Variants in SLC12A6 observed in about 807,000 individuals in gnomAD.
SLC12A6 encodes the protein K-Cl cotransporter 3.
In SLC12A6, 66 loss-of-function variants were observed where a neutral mutation model predicts 135.3. The observed-to-expected ratio is 0.49, with a 90% CI of 0.40 to 0.60. SLC12A6 has a LOEUF of 0.60. Ranked by LOEUF, SLC12A6 falls within the 20% of genes least tolerant of loss-of-function variation. SLC12A6 has a pLI of 0.00. For missense variants in SLC12A6, 1,058 were observed against 1,452.3 expected (o/e 0.73, Z 4.41); for synonymous variants, 513 against 508.8 (o/e 1.01, Z -0.11).
At position 34,254,545 on chromosome 15, in the gene SLC12A6, T is replaced by G; in HGVS notation, c.921A>C (p.Ala307=). ...TTAGCATGGCTGCTGATTCCTTGAG[T>G]GCGTCATCACTGTGAAAGATGGCAG... ...PRAAIFHSDD[A]LKESAAMLNN... Residue 307 remains alanine, a synonymous_variant, in exon 9 of 26, where the codon GCA becomes GCC. Transcript: ENST00000354181. 1.9e-6 allele frequency: 3 copies of G among 1,610,676 alleles called. No homozygotes were observed. The highest frequency in any genetic ancestry group is 2.5e-6 in the Non-Finnish European group (3 of 1,176,846).
At chr15:34,328,235 G>A (rs347834) in intron 2 of SLC12A6, among the ~76,000 whole-genome samples, 5 of 151,912 alleles carry the variant, frequency 3.3e-5, no homozygotes, top group African/African-American at 4.8e-5. Context: ...AACTTCAGCC[G>A]TTACATTTTT....
Position 34,231,242 on chromosome 15 carries a change from AT to A in SLC12A6, c.*2638del, listed in dbSNP as rs1196035862. On this transcript the variant is annotated 3_prime_UTR_variant, in exon 26 of 26. Transcript: ENST00000354181. ...CTGGGTGTGGTGGCACATGCTTGTA[AT>A]TCCAGCTACTCGGGAGGCTGAGGCA... 3 of 152,420 alleles carry A rather than the reference AT, an allele frequency of 2.0e-5. No homozygotes were observed. Among genetic ancestry groups the A allele is most frequent in the African/African-American group, 7.2e-5 (3 of 41,418 alleles). The allele number at this position is 152,420 out of a possible 1,614,324, so 9.4% of individuals were successfully genotyped here. A position where few individuals can be genotyped will look rare whatever the true frequency, so the allele number is the denominator to read the frequency against.
intron 4 of SLC12A6, among the ~76,000 whole-genome samples, chr15:34,260,422 C>G (rs929275571): frequency 1.3e-5 from 2 of 152,118 alleles, no homozygotes; most frequent in African/African-American, 4.8e-5. Context: ...CCATGCCCGG[C>G]TAATTTTTTG....
At chr15:34,303,131 C>G (rs1434682440) in intron 2 of SLC12A6, among the ~76,000 whole-genome samples, 1 of 151,900 alleles carries the variant, frequency 6.6e-6, no homozygotes, top group African/African-American at 2.4e-5. Context: ...AGAAAATTGG[C>G]CTAAACAACA....
In SLC12A6 at chr15:34,252,608, T is replaced by C. The variant is rs1478303817; in HGVS notation, c.1119-224A>G. Among the ~76,000 whole-genome samples, 3 of 152,192 alleles carry C rather than the reference T, an allele frequency of 2.0e-5. No homozygotes were observed. The East Asian group carries it at 5.8e-4, about 29-fold the overall frequency. On this transcript the variant is annotated intron_variant, in intron 9 of 25. Coordinates refer to ENST00000354181, the MANE Select transcript of SLC12A6 (RefSeq NM_001365088.1). ...TACTTACAGCAACCTCACAATGTAT[T>C]AGAATTTCTATGTTGTGGATGGAGG...
At chr15:34,267,661 C>A (rs1445906828) in intron 3 of SLC12A6, among the ~76,000 whole-genome samples, 1 of 152,216 alleles carries the variant, frequency 6.6e-6, no homozygotes, top group Non-Finnish European at 1.5e-5. Flanking sequence ...CTAGCATGAG[C>A]AACATTGTGA....
intron 3 of SLC12A6, among the ~76,000 whole-genome samples, chr15:34,265,453 A>G (rs960873186): frequency 2.0e-5 from 3 of 152,126 alleles, no homozygotes; most frequent in Non-Finnish European, 4.4e-5. Flanking sequence ...AAAAACCCAA[A>G]AAGAATTTCA....
chr15:34,292,076 G>A (rs1305237896), intron 2 of SLC12A6, among the ~76,000 whole-genome samples: 3 of 152,084 alleles, frequency 2.0e-5, no homozygotes, highest in Admixed American at 1.3e-4. Flanking sequence ...TCTGGTTTTT[G>A]GAATTTTTTA....
Position 34,252,136 on chromosome 15 carries a change from A to G in SLC12A6, c.1333+34T>C, listed in dbSNP as rs1892433240. ...ACAAGGCCTATTTTCCCCAGAAAAT[A>G]GGAAAAAACTTGTCCAATAACTCCC... On this transcript the variant is annotated intron_variant, in intron 10 of 25. Transcript: ENST00000354181. 4 of 1,114,716 alleles carry G rather than the reference A, an allele frequency of 3.6e-6. No individual in the cohort carries two copies. The South Asian group carries it at 3.8e-5, about 11-fold the overall frequency. The allele number at this position is 1,114,716 out of a possible 1,614,324, so 69.1% of individuals were successfully genotyped here.
At chr15:34,291,204 T>G (rs1296467665) in intron 2 of SLC12A6, among the ~76,000 whole-genome samples, 1 of 152,228 alleles carries the variant, frequency 6.6e-6, no homozygotes, top group Non-Finnish European at 1.5e-5. Flanking sequence ...CAGCACTTGC[T>G]TGTCTGTAAA....
chr15:34,329,240 C>T (rs1889676855), intron 2 of SLC12A6, among the ~76,000 whole-genome samples: 1 of 152,218 alleles, frequency 6.6e-6, no homozygotes, highest in Non-Finnish European at 1.5e-5. Context: ...CCAGTGAAGT[C>T]ATGATGGCTC....
chr15:34,332,488 GT>G (rs1229150549), intron 2 of SLC12A6, among the ~76,000 whole-genome samples: 3 of 152,150 alleles, frequency 2.0e-5, no homozygotes, highest in Non-Finnish European at 4.4e-5. Flanking sequence ...AGGTTGAAAT[GT>G]ATTAGGGACT....
chr15:34,280,366 C>T (rs895510346), intron 2 of SLC12A6, among the ~76,000 whole-genome samples: 7 of 152,144 alleles, frequency 4.6e-5, no homozygotes, highest in African/African-American at 1.7e-4. Flanking sequence ...AGAATTAAGA[C>T]TGTTATGCTA....
At chr15:34,319,517 G>C (rs372189579) in intron 2 of SLC12A6, among the ~76,000 whole-genome samples, 1 of 152,010 alleles carries the variant, frequency 6.6e-6, no homozygotes, top group Admixed American at 6.6e-5. Flanking sequence ...TGAAAGATAC[G>C]GCTGTGCGCC....
At chr15:34,330,234 C>A (rs1347552065) in intron 2 of SLC12A6, among the ~76,000 whole-genome samples, 3 of 152,176 alleles carry the variant, frequency 2.0e-5, no homozygotes. Context: ...TCCTCCACCC[C>A]ATCCCAATTA....
rs755216035 is a variant in SLC12A6, at chr15:34,336,404, A to G, written c.271+6T>C. On this transcript the variant is annotated splice_donor_region_variant and intron_variant, in intron 2 of 25. Coordinates refer to ENST00000354181, the MANE Select transcript of SLC12A6 (RefSeq NM_001365088.1). Reference sequence around the variant, plus strand: ...AAAGTATGCTGCGGTCTGTGTTTCTACTTACCCTCGATGACATCCTGGGGG... The same window carrying G: ...AAAGTATGCTGCGGTCTGTGTTTCTGCTTACCCTCGATGACATCCTGGGGG... 2.5e-6 allele frequency: 4 copies of G among 1,611,250 alleles called. No individual in the cohort carries two copies. Among genetic ancestry groups the G allele is most frequent in the East Asian group, 2.2e-5 (1 of 44,874 alleles).
chr15:34,305,920 G>A (rs185639552), intron 2 of SLC12A6, among the ~76,000 whole-genome samples: 40 of 152,156 alleles, frequency 2.6e-4, no homozygotes, highest in Non-Finnish European at 5.0e-4. Context: ...ACCGCGCCCG[G>A]CTAATTTTTT....
chr15:34,241,585 C>A (rs1453997234), intron 17 of SLC12A6, among the ~76,000 whole-genome samples: 1 of 152,092 alleles, frequency 6.6e-6, no homozygotes, highest in East Asian at 1.9e-4. Context: ...TTCAGTCCTT[C>A]TATGTAATTG....
chr15:34,286,077 T>C (rs1048565152), intron 2 of SLC12A6, among the ~76,000 whole-genome samples: 9 of 151,966 alleles, frequency 5.9e-5, no homozygotes, highest in South Asian at 2.1e-4. Context: ...TATTGCTTTT[T>C]TTTTTCTTTT....
Sources: allele counts gnomAD v4.1 joint callset (sites outside exome capture counted in the v4.1 genomes callset), GRCh38; gene constraint gnomAD v4.1.1; transcripts MANE v1.5; gene names NCBI Gene and HGNC (gene_info 2026-07-23, HGNC 2026-07-21).